RABEP1: variants seen among roughly 807,000 people sequenced by gnomAD.
RABEP1 encodes rab GTPase-binding effector protein 1.
RABEP1 carries 51 observed loss-of-function variants against 123.4 expected under a neutral mutation model. The ratio of observed to expected loss-of-function variants is 0.41; its 90% CI spans 0.33 to 0.52. The LOEUF (loss-of-function observed/expected upper bound fraction) is 0.52, where lower values mean the gene tolerates loss of function less well. Ranked by LOEUF, RABEP1 falls within the 20% of genes least tolerant of loss-of-function variation. RABEP1 has a pLI of 0.16. For synonymous variants in RABEP1, 347 were observed against 355.2 expected, an observed-to-expected ratio of 0.98 and a Z score of 0.26; for missense variants, 888 against 996.3, an observed-to-expected ratio of 0.89 and a Z score of 1.46.
At chr17:5,359,546 A>G (rs1220055756) in intron 8 of RABEP1, among the ~76,000 whole-genome samples, 1 of 152,202 alleles carries the variant, frequency 6.6e-6, no homozygotes, top group Non-Finnish European at 1.5e-5. Context: ...GATCTTTGCC[A>G]TAGTAAGCTT....
intron 15 of RABEP1, chr17:5,378,568 G>C (rs1911190749): frequency 6.0e-6 from 2 of 330,954 alleles, no homozygotes; most frequent in Admixed American, 5.0e-5. Flanking sequence ...ACAAACAAGA[G>C]ATGACATTTT....
chr17:5,374,833 G>A (rs762989855), intron 13 of RABEP1, among the ~76,000 whole-genome samples: 2 of 152,078 alleles, frequency 1.3e-5, no homozygotes, highest in Non-Finnish European at 2.9e-5. Flanking sequence ...TAGTAGAGAT[G>A]GGGTTTCACC....
intron 15 of RABEP1, chr17:5,378,815 T>A (rs1007056387): frequency 1.2e-5 from 2 of 160,598 alleles, no homozygotes; most frequent in African/African-American, 4.8e-5. Flanking sequence ...CCTCCAGTTC[T>A]CTGAACTTCC....
Position 5,385,847 on chromosome 17 carries a change from A to AT in RABEP1, c.*2625dup, listed in dbSNP as rs1567561857. On this transcript the variant is annotated 3_prime_UTR_variant, in exon 18 of 18. Coordinates refer to ENST00000537505, the MANE Select transcript of RABEP1 (RefSeq NM_004703.6). The stretch of plus-strand genomic sequence containing the variant: ...CTTCTCCTTTGAATCCTAGGGTTCT[A>AT]TCCCTCTTCAGAGTCATGTTTCTGG... The AT allele has an allele frequency of 3.8e-6, 1 of 266,062 alleles. No individual in the cohort carries two copies. Among genetic ancestry groups the AT allele is most frequent in the African/African-American group, 2.2e-5 (1 of 46,180 alleles). The allele number at this position is 266,062 out of a possible 1,614,324, so 16.5% of individuals were successfully genotyped here. A position where few individuals can be genotyped will look rare whatever the true frequency, so the allele number is the denominator to read the frequency against.
chr17:5,292,397 CT>C (rs370596779), intron 1 of RABEP1, among the ~76,000 whole-genome samples: 2,554 of 150,716 alleles, frequency 0.017, 31 homozygotes, highest in Middle Eastern at 0.051. Flanking sequence ...AGTTTATTTA[CT>C]TTTTTTTTGA....
intron 2 of RABEP1, among the ~76,000 whole-genome samples, chr17:5,322,819 A>G (rs1905512097): frequency 6.6e-6 from 1 of 152,224 alleles, no homozygotes; most frequent in African/African-American, 2.4e-5. Context: ...TCATGCCTGT[A>G]ATCCCAACAC....
chr17:5,371,284 A>G (rs1046108914), intron 12 of RABEP1: 2 of 151,780 alleles, frequency 1.3e-5, no homozygotes, highest in Admixed American at 6.6e-5. Context: ...TTTATATTAC[A>G]TTTTCAGATT....
At position 5,308,839 on chromosome 17, in the gene RABEP1, C is replaced by G. The variant is rs772706087; in HGVS notation, c.163+17C>G. 6 of 1,580,150 alleles carry G rather than the reference C, an allele frequency of 3.8e-6. No homozygotes were observed. The East Asian group carries it at 1.4e-4, about 36-fold the overall frequency. ...CTAAAGAGGGTAAGTTCATAAGTCTCGCACCAACTTCAATGCGAAAACTGC... is the reference window on the plus strand; with the variant it reads ...CTAAAGAGGGTAAGTTCATAAGTCTGGCACCAACTTCAATGCGAAAACTGC... On this transcript the variant is annotated intron_variant, in intron 2 of 17. Transcript: ENST00000537505.
At chr17:5,354,513 G>A in intron 8 of RABEP1, 23 bp downstream of exon 8, 1 of 1,581,470 alleles carries the variant, frequency 6.3e-7, no homozygotes, top group Non-Finnish European at 8.6e-7. Flanking sequence ...TATAATTAAA[G>A]TCATTAAATA....
At chr17:5,374,387 GT>G (rs1910805111) in intron 13 of RABEP1, among the ~76,000 whole-genome samples, 3 of 151,992 alleles carry the variant, frequency 2.0e-5, no homozygotes, top group Admixed American at 2.0e-4. Context: ...TACAAAACTG[GT>G]TTCCCAGAGA....
At chr17:5,359,055 C>G (rs776013054) in intron 8 of RABEP1, among the ~76,000 whole-genome samples, 3 of 151,764 alleles carry the variant, frequency 2.0e-5, no homozygotes, top group Non-Finnish European at 4.4e-5. Context: ...AGCTACTGCG[C>G]CAGGCCTGTA....
In RABEP1 at chr17:5,320,385, G is replaced by A. The variant is rs183917789; in HGVS notation, c.163+11563G>A. Among the ~76,000 whole-genome samples, 238 of 118,808 alleles carry A rather than the reference G, an allele frequency of 2.0e-3. 1 individual carries two copies. The highest frequency in any genetic ancestry group is 6.8e-3 in the Middle Eastern group (1 of 146). 77.9% of individuals were successfully genotyped at this position (118,808 alleles called of 152,430 possible). A position where few individuals can be genotyped will look rare whatever the true frequency, so the allele number is the denominator to read the frequency against. ...CATCCCACAAGAAATGCTAAAGGGA[G>A]TTCTTCCATTTGAAATTTAAAAAAT... On this transcript the variant is annotated intron_variant, in intron 2 of 17. Coordinates refer to ENST00000537505, the MANE Select transcript of RABEP1 (RefSeq NM_004703.6).
Position 5,381,448 on chromosome 17 carries a change from A to G in RABEP1, c.2430A>G (p.Glu810=). 6.2e-7 allele frequency: 1 copy of G among 1,613,714 alleles called. No individual in the cohort carries two copies. Residue 810 remains glutamate (E), a synonymous_variant, in exon 17 of 18, where the codon GAA becomes GAG. Transcript: ENST00000537505. ...EKNKAQRLQT[E]LDVSEQVQRD... is the part of the protein sequence containing the mutation. ...ATAAAGCTCAGAGATTACAGACAGA[A>G]TTAGATGTCAGTGAGCAAGTCCAGA...
intron 2 of RABEP1, among the ~76,000 whole-genome samples, chr17:5,313,185 T>G (rs1350799697): frequency 1.3e-5 from 2 of 152,220 alleles, no homozygotes; most frequent in African/African-American, 4.8e-5. Context: ...TTTGTTCATG[T>G]TTTTGAATTA....
chr17:5,366,372 G>T (rs1909997744), intron 11 of RABEP1, among the ~76,000 whole-genome samples: 1 of 152,120 alleles, frequency 6.6e-6, no homozygotes, highest in South Asian at 2.1e-4. Flanking sequence ...AAACTGATTT[G>T]TTAGGTGTCC....
intron 8 of RABEP1, among the ~76,000 whole-genome samples, chr17:5,359,320 C>T (rs549016682): frequency 4.6e-5 from 7 of 152,170 alleles, no homozygotes; most frequent in Admixed American, 1.3e-4. Context: ...GTGATCTGCC[C>T]GCCTCGGCCT....
At chr17:5,364,691 G>C (rs561782792) in intron 10 of RABEP1, among the ~76,000 whole-genome samples, 2 of 144,342 alleles carry the variant, frequency 1.4e-5, no homozygotes, top group Non-Finnish European at 3.0e-5. Context: ...CGAGATTGCA[G>C]AGCGAGAGAC....
chr17:5,314,814 G>A (rs926287449), intron 2 of RABEP1, among the ~76,000 whole-genome samples: 1 of 152,136 alleles, frequency 6.6e-6, no homozygotes, highest in African/African-American at 2.4e-5. Flanking sequence ...CACCATGCCC[G>A]GCTATATTTC....
chr17:5,349,208 T>C (rs1171669661), intron 6 of RABEP1, among the ~76,000 whole-genome samples: 1 of 152,168 alleles, frequency 6.6e-6, no homozygotes, highest in African/African-American at 2.4e-5. Flanking sequence ...GTTTTGCGTT[T>C]TAGAAAGTTC....
Sources: gnomAD v4.1 joint callset for allele counts (sites outside exome capture counted in the v4.1 genomes callset) on GRCh38, gnomAD v4.1.1 for gene constraint, MANE v1.5 for transcripts, NCBI Gene and HGNC (gene_info 2026-07-23, HGNC 2026-07-21) for gene names.